The following RASGEF1C variants were observed in gnomAD, a reference collection of about 807,000 sequenced individuals.
RASGEF1C encodes the protein ras-GEF domain-containing family member 1C.
RASGEF1C carries 27 observed loss-of-function variants against 58.1 expected under a neutral mutation model. The ratio of observed to expected loss-of-function variants is 0.46; its 90% confidence interval spans 0.34 to 0.64. RASGEF1C has a LOEUF of 0.64. Among genes scored for constraint, RASGEF1C ranks in the 30% least tolerant of loss-of-function variants. The pLI, the probability that RASGEF1C is intolerant of heterozygous loss-of-function variation, is 0.01. For missense variants in RASGEF1C, 502 were observed against 605.1 expected, an observed-to-expected ratio of 0.83 and a Z score of 1.79; for synonymous variants, 243 against 246.3, an observed-to-expected ratio of 0.99 and a Z score of 0.13.
intron 11 of RASGEF1C, among the ~76,000 whole-genome samples, chr5:180,113,287 C>CG (rs1765998520): frequency 5.1e-5 from 1 of 19,684 alleles, no homozygotes; most frequent in Non-Finnish European, 9.3e-5. Flanking sequence ...CGGAGGGATC[C>CG]AGGATGGACG....
intron 1 of RASGEF1C, among the ~76,000 whole-genome samples, chr5:180,176,786 G>A (rs1767235176): frequency 6.6e-6 from 1 of 152,104 alleles, no homozygotes; most frequent in Non-Finnish European, 1.5e-5. Context: ...TCGATCTCCT[G>A]ACTTCATGAT....
intron 1 of RASGEF1C, among the ~76,000 whole-genome samples, chr5:180,178,251 G>A (rs1767263340): frequency 7.1e-6 from 1 of 140,730 alleles, no homozygotes; most frequent in Non-Finnish European, 1.5e-5. Flanking sequence ...GGGATTACAC[G>A]TGTGAGCCAC....
chr5:180,170,132 C>T (rs980674085), intron 1 of RASGEF1C, among the ~76,000 whole-genome samples: 1 of 152,238 alleles, frequency 6.6e-6, no homozygotes, highest in African/African-American at 2.4e-5. Flanking sequence ...TGCACCCCAG[C>T]ACTAGAGCAG....
chr5:180,207,306 G>A (rs1447243130), intron 1 of RASGEF1C, among the ~76,000 whole-genome samples: 2 of 152,224 alleles, frequency 1.3e-5, no homozygotes, highest in Non-Finnish European at 2.9e-5. Flanking sequence ...CAGGAGAAAG[G>A]GAAAGGAAAT....
intron 1 of RASGEF1C, among the ~76,000 whole-genome samples, chr5:180,208,741 A>C (rs1007799629): frequency 1.3e-5 from 2 of 152,080 alleles, no homozygotes; most frequent in African/African-American, 2.4e-5. Flanking sequence ...CGGCTGAAAG[A>C]AGCTTGCTCC....
chr5:180,120,487 C>T (rs752920504), intron 7 of RASGEF1C, among the ~76,000 whole-genome samples: 5 of 151,992 alleles, frequency 3.3e-5, no homozygotes, highest in Admixed American at 3.3e-4. Context: ...TGAGCAGCCC[C>T]CTGGGCTTCA....
At chr5:180,154,287 G>A (rs2113295264) in intron 1 of RASGEF1C, among the ~76,000 whole-genome samples, 1 of 152,206 alleles carries the variant, frequency 6.6e-6, no homozygotes, top group Middle Eastern at 3.4e-3. Flanking sequence ...GACAGTCCCT[G>A]TCCCCTTAAG....
chr5:180,112,645 A>C (rs1158445605), intron 11 of RASGEF1C, among the ~76,000 whole-genome samples: 1 of 152,134 alleles, frequency 6.6e-6, no homozygotes, highest in Non-Finnish European at 1.5e-5. Flanking sequence ...GTGGGAGAAG[A>C]GCCCCCTCCT....
intron 12 of RASGEF1C, among the ~76,000 whole-genome samples, chr5:180,103,868 A>C (rs760511342): frequency 6.6e-6 from 1 of 152,186 alleles, no homozygotes; most frequent in Non-Finnish European, 1.5e-5. Flanking sequence ...CTAGTTTCTG[A>C]GAGTTTTTAC....
At chr5:180,186,631 T>A (rs892806506) in intron 1 of RASGEF1C, among the ~76,000 whole-genome samples, 1 of 152,192 alleles carries the variant, frequency 6.6e-6, no homozygotes. Flanking sequence ...TTCAATGCAA[T>A]CTCTAGCAAA....
intron 1 of RASGEF1C, among the ~76,000 whole-genome samples, chr5:180,165,044 G>A (rs1388460180): frequency 2.0e-5 from 3 of 151,996 alleles, no homozygotes; most frequent in Admixed American, 6.6e-5. Flanking sequence ...AATTCTCTTT[G>A]CTTTAAACTA....
At chr5:180,136,599 C>G in intron 3 of RASGEF1C, 84 bp from the exon 4 acceptor site, 1 of 1,447,288 alleles carries the variant, frequency 6.9e-7, no homozygotes, top group South Asian at 1.4e-5. Flanking sequence ...CGGGTCTGGC[C>G]GCCCGGGGCA....
At chr5:180,150,885 A>T (rs2113290875) in intron 1 of RASGEF1C, among the ~76,000 whole-genome samples, 1 of 151,872 alleles carries the variant, frequency 6.6e-6, no homozygotes, top group Middle Eastern at 3.4e-3. Context: ...ATACAAAATC[A>T]ATGTGCAAAA....
intron 12 of RASGEF1C, among the ~76,000 whole-genome samples, chr5:180,103,838 T>A (rs1477607080): frequency 6.6e-6 from 1 of 152,248 alleles, no homozygotes; most frequent in Non-Finnish European, 1.5e-5. Flanking sequence ...CTTGTCATGC[T>A]GATAAATTCC....
At chr5:180,130,898 T>C (rs1366436277) in intron 4 of RASGEF1C, among the ~76,000 whole-genome samples, 1 of 152,104 alleles carries the variant, frequency 6.6e-6, no homozygotes, top group East Asian at 1.9e-4. Flanking sequence ...AGGTCGACTC[T>C]CCTTGTCCAA....
At chr5:180,208,824 G>A (rs1458169500) in intron 1 of RASGEF1C, among the ~76,000 whole-genome samples, 3 of 151,792 alleles carry the variant, frequency 2.0e-5, no homozygotes, top group East Asian at 2.0e-4. Context: ...TGTGCCCTCA[G>A]GGTACCCTAC....
At chr5:180,147,474 C>T (rs916161473) in intron 1 of RASGEF1C, among the ~76,000 whole-genome samples, 2 of 152,076 alleles carry the variant, frequency 1.3e-5, no homozygotes, top group Non-Finnish European at 2.9e-5. Context: ...TTTGCTGTAT[C>T]CCATGTTTTA....
chr5:180,175,742 G>A (rs544072706), intron 1 of RASGEF1C, among the ~76,000 whole-genome samples: 1 of 152,244 alleles, frequency 6.6e-6, no homozygotes, highest in Admixed American at 6.5e-5. Context: ...GCTCACGCCT[G>A]TGATCCCAGC....
At chr5:180,148,612 C>T (rs1357441939) in intron 1 of RASGEF1C, among the ~76,000 whole-genome samples, 3 of 152,118 alleles carry the variant, frequency 2.0e-5, no homozygotes, top group Admixed American at 1.3e-4. Context: ...AAACTCTGCT[C>T]CTATACAGTT....
Sources: gnomAD v4.1 joint callset for allele counts (sites outside exome capture counted in the v4.1 genomes callset) on GRCh38, gnomAD v4.1.1 for gene constraint, MANE v1.5 for transcripts, NCBI Gene and HGNC (gene_info 2026-07-23, HGNC 2026-07-21) for gene names.